The following ROR2 variants were observed in gnomAD, a reference collection of about 807,000 sequenced individuals.
ROR2 encodes tyrosine-protein kinase transmembrane receptor ROR2.
A neutral mutation model predicts 74.9 loss-of-function variants in ROR2; 33 were observed. The observed-to-expected ratio is 0.44, with a 90% CI of 0.33 to 0.59. The LOEUF (loss-of-function observed/expected upper bound fraction) is 0.59. Ranked by LOEUF, ROR2 falls within the 20% of genes least tolerant of loss-of-function variation. ROR2 has a pLI of 0.02. For synonymous variants in ROR2, 586 were observed against 558.7 expected, an observed-to-expected ratio of 1.05 and a Z score of -0.69; for missense variants, 1,216 against 1,313.8, an observed-to-expected ratio of 0.93 and a Z score of 1.15.
At chr9:91,890,160 T>C (rs1830389973) in intron 1 of ROR2, among the ~76,000 whole-genome samples, 1 of 152,090 alleles carries the variant, frequency 6.6e-6, no homozygotes, top group Admixed American at 6.5e-5. Context: ...TGGAAGAAAG[T>C]CAGAAGAGAA....
chr9:91,900,322 A>C (rs4275276), intron 1 of ROR2, among the ~76,000 whole-genome samples: 1 of 152,062 alleles, frequency 6.6e-6, no homozygotes, highest in Non-Finnish European at 1.5e-5. Flanking sequence ...CGGCAGACGC[A>C]AGTCCTCCAG....
intron 1 of ROR2, among the ~76,000 whole-genome samples, chr9:91,794,306 T>G (rs915411029): frequency 3.3e-5 from 5 of 152,258 alleles, no homozygotes; most frequent in Non-Finnish European, 7.3e-5. Flanking sequence ...AAGTTTCTAC[T>G]GTCACCCCAT....
chr9:91,764,133 C>T lies in ROR2; in HGVS notation c.176-6574G>A, dbSNP rs147385826. On this transcript the variant is annotated intron_variant, in intron 2 of 8. Transcript: ENST00000375708. ...GAAATGATGGGGCTGGATGCATTCC[C>T]AACTTCAGTTTTATTACATCATTTG... is the stretch of plus-strand genomic sequence containing the variant. 1.8e-3 allele frequency among the ~76,000 whole-genome samples: 279 copies of T among 152,284 alleles called. 3 individuals carry two copies. Among genetic ancestry groups the T allele is most frequent in the Non-Finnish European group, 3.4e-3 (231 of 68,036 alleles).
intron 1 of ROR2, among the ~76,000 whole-genome samples, chr9:91,795,610 T>G (rs896730945): frequency 6.6e-6 from 1 of 152,212 alleles, no homozygotes. Flanking sequence ...ATACATTGTT[T>G]TCCCTAATTG....
At chr9:91,782,802 T>C (rs1826669039) in intron 1 of ROR2, among the ~76,000 whole-genome samples, 1 of 152,184 alleles carries the variant, frequency 6.6e-6, no homozygotes, top group South Asian at 2.1e-4. Flanking sequence ...AAGCAGAAGA[T>C]TCTCTGGTAG....
intron 1 of ROR2, among the ~76,000 whole-genome samples, chr9:91,819,333 C>A (rs1238767041): frequency 1.3e-5 from 2 of 152,216 alleles, no homozygotes; most frequent in East Asian, 3.8e-4. Context: ...AGATGCCAAC[C>A]TTCGGGGCTA....
chr9:91,782,230 G>T (rs1826642728), intron 1 of ROR2, among the ~76,000 whole-genome samples: 1 of 152,218 alleles, frequency 6.6e-6, no homozygotes, highest in Admixed American at 6.5e-5. Context: ...AAAACCAGCA[G>T]AAAAGGAGCA....
chr9:91,794,987 T>C (rs1827122145), intron 1 of ROR2, among the ~76,000 whole-genome samples: 1 of 151,892 alleles, frequency 6.6e-6, no homozygotes, highest in African/African-American at 2.4e-5. Context: ...CTGGGTGTGG[T>C]GGCAGGCGCC....
chr9:91,862,065 TGTAATCCCAGCACTTTGG>T (rs2119303006), intron 1 of ROR2, among the ~76,000 whole-genome samples: 1 of 152,006 alleles, frequency 6.6e-6, no homozygotes, highest in South Asian at 2.1e-4. Flanking sequence ...GGCTCATGCC[TGTAATCCCAGCACTTTGG>T]GAGGCTGAGG....
At chr9:91,864,682 G>A (rs538794793) in intron 1 of ROR2, among the ~76,000 whole-genome samples, 8 of 152,240 alleles carry the variant, frequency 5.3e-5, no homozygotes, top group Admixed American at 3.9e-4. Flanking sequence ...TGCTTCCCAC[G>A]TCCATGCTGG....
At chr9:91,876,549 C>T (rs1587811532) in intron 1 of ROR2, among the ~76,000 whole-genome samples, 1 of 152,054 alleles carries the variant, frequency 6.6e-6, no homozygotes, top group Admixed American at 6.6e-5. Context: ...CCAAGAATAA[C>T]CAGACATCTG....
At position 91,724,301 on chromosome 9, in the gene ROR2, C is replaced by T. The variant is rs754139612; in HGVS notation, c.2193G>A (p.Glu731=). ...VYALMIECWN[E]FPSRRPRFKD... ...TGAAGCGGGGCCGCCGGCTGGGGAACTCGTTCCAGCACTCGATCATGAGGG... is the reference window on the plus strand; with the variant it reads ...TGAAGCGGGGCCGCCGGCTGGGGAATTCGTTCCAGCACTCGATCATGAGGG... Residue 731 remains glutamate, a synonymous_variant, in exon 9 of 9, where the codon GAG becomes GAA. Transcript: ENST00000375708. 4.4e-5 allele frequency: 71 copies of T among 1,613,062 alleles called. No homozygotes were observed. The highest frequency in any genetic ancestry group is 5.5e-5 in the Non-Finnish European group (65 of 1,180,036).
chr9:91,732,985 GC>G, intron 6 of ROR2, 136 bp downstream of exon 6: 1 of 859,106 alleles, frequency 1.2e-6, no homozygotes, highest in Non-Finnish European at 1.8e-6. Context: ...AGGCTGTGGG[GC>G]CCTCGGCTGC....
At chr9:91,847,482 G>T (rs936753178) in intron 1 of ROR2, among the ~76,000 whole-genome samples, 1 of 152,154 alleles carries the variant, frequency 6.6e-6, no homozygotes, top group African/African-American at 2.4e-5. Flanking sequence ...CCCAGAAAGG[G>T]CTCCCTAATG....
chr9:91,936,685 C>T (rs1831699046), intron 1 of ROR2, among the ~76,000 whole-genome samples: 1 of 152,160 alleles, frequency 6.6e-6, no homozygotes, highest in Non-Finnish European at 1.5e-5. Flanking sequence ...ACTTGAAACT[C>T]CAAGTTTAGG....
intron 1 of ROR2, chr9:91,886,839 C>T (rs1193818991): frequency 6.6e-6 from 1 of 152,140 alleles, no homozygotes; most frequent in Non-Finnish European, 1.5e-5. Flanking sequence ...TTCTTCTCAC[C>T]ACAGGTCACG....
At chr9:91,832,072 G>A (rs1343800886) in intron 1 of ROR2, among the ~76,000 whole-genome samples, 1 of 152,116 alleles carries the variant, frequency 6.6e-6, no homozygotes, top group Non-Finnish European at 1.5e-5. Flanking sequence ...GTCACCACAA[G>A]GCTGACCCTG....
chr9:91,740,256 G>A (rs1464715031), intron 4 of ROR2, among the ~76,000 whole-genome samples: 1 of 152,110 alleles, frequency 6.6e-6, no homozygotes, highest in Non-Finnish European at 1.5e-5. Context: ...AATCTGAATA[G>A]ACAATATCCA....
At chr9:91,792,949 C>CA (rs1827049736) in intron 1 of ROR2, among the ~76,000 whole-genome samples, 1 of 152,132 alleles carries the variant, frequency 6.6e-6, no homozygotes, top group Admixed American at 6.5e-5. Flanking sequence ...GAAAGGAACA[C>CA]AAAGGACTAA....
Sources: allele counts gnomAD v4.1 joint callset (sites outside exome capture counted in the v4.1 genomes callset), GRCh38; gene constraint gnomAD v4.1.1; transcripts MANE v1.5; gene names NCBI Gene and HGNC (gene_info 2026-07-23, HGNC 2026-07-21).